The following SERPINI2 variants were observed in gnomAD, a reference collection of about 807,000 sequenced individuals.
SERPINI2 encodes the protein serpin I2.
A neutral mutation model predicts 47.3 loss-of-function variants in SERPINI2; 48 were observed. The ratio of observed to expected loss-of-function variants is 1.02; its 90% CI spans 0.81 to 1.29. The LOEUF is 1.29. SERPINI2 is among the 50% of genes most tolerant of loss of function. The pLI, the probability that SERPINI2 is intolerant of heterozygous loss-of-function variation, is 0.00. For missense variants in SERPINI2, 448 were observed against 456.9 expected (o/e 0.98, Z 0.18); for synonymous variants, 135 against 149.3 (o/e 0.90, Z 0.70).
At chr3:167,453,885 G>T (rs1471365600) in intron 5 of SERPINI2, among the ~76,000 whole-genome samples, 1 of 151,642 alleles carries the variant, frequency 6.6e-6, no homozygotes, top group East Asian at 1.9e-4. Flanking sequence ...AAGTGGGGGT[G>T]GGGGGAAGCT....
At chr3:167,452,325 CGAA>C (rs1325942392) in intron 6 of SERPINI2, among the ~76,000 whole-genome samples, 1 of 152,088 alleles carries the variant, frequency 6.6e-6, no homozygotes. Flanking sequence ...CACTGAGACT[CGAA>C]GAATTCAAAG....
Position 167,458,426 on chromosome 3 carries a change from AT to A in SERPINI2, c.867-5394del, listed in dbSNP as rs34639120. ...CCACCACGCCTGGCTAATTGTTTGT[AT>A]TTTTTTTTTTTTTTTTAGTAGAGAC... On this transcript the variant is annotated intron_variant, in intron 5 of 8. Transcript: ENST00000264677. 1.4e-3 allele frequency among the ~76,000 whole-genome samples: 186 copies of A among 128,952 alleles called. 1 individual carries two copies. Among genetic ancestry groups the A allele is most frequent in the Middle Eastern group, 4.3e-3 (1 of 232 alleles). 84.6% of individuals were successfully genotyped at this position (128,952 alleles called of 152,430 possible). A position where few individuals can be genotyped will look rare whatever the true frequency, so the allele number is the denominator to read the frequency against.
At chr3:167,446,614 T>G in intron 7 of SERPINI2, 133 bp from the exon 8 acceptor site, 1 of 528,882 alleles carries the variant, frequency 1.9e-6, no homozygotes, top group Admixed American at 3.6e-5. Flanking sequence ...AATAACCATT[T>G]TCTAAATACA....
At chr3:167,463,781 A>G (rs1400131872) in intron 5 of SERPINI2, among the ~76,000 whole-genome samples, 1 of 152,178 alleles carries the variant, frequency 6.6e-6, no homozygotes, top group East Asian at 1.9e-4. Context: ...TTTACGATAT[A>G]GAAGACTGGC....
upstream of SERPINI2, among the ~76,000 whole-genome samples, chr3:167,476,518 A>G (rs1750482201): frequency 6.6e-6 from 1 of 152,066 alleles, no homozygotes; most frequent in African/African-American, 2.4e-5. Context: ...TACCATGCAC[A>G]TGTAGTAGGC....
upstream of SERPINI2, among the ~76,000 whole-genome samples, chr3:167,476,343 CT>C (rs1391251778): frequency 6.6e-6 from 1 of 151,782 alleles, no homozygotes; most frequent in Non-Finnish European, 1.5e-5. Flanking sequence ...CTTTTTTCTT[CT>C]TTTTGTGTTT....
intron 2 of SERPINI2, among the ~76,000 whole-genome samples, chr3:167,470,979 CT>C (rs921877434): frequency 7.9e-5 from 12 of 151,920 alleles, no homozygotes; most frequent in South Asian, 4.2e-4. Context: ...TATTTAAATC[CT>C]TTTTTTTCCA....
At chr3:167,465,449 A>G (rs1750104495) in intron 4 of SERPINI2, 30 bp downstream of exon 4, 3 of 1,608,556 alleles carry the variant, frequency 1.9e-6, no homozygotes, top group Non-Finnish European at 2.5e-6. Context: ...TCTCAAGACT[A>G]TGCTTAGGAA....
chr3:167,476,695 T>TTTAG (rs1321715962), upstream of SERPINI2, among the ~76,000 whole-genome samples: 1 of 152,068 alleles, frequency 6.6e-6, no homozygotes, highest in Non-Finnish European at 1.5e-5. Flanking sequence ...AGTGGGCTCA[T>TTTAG]TTAGTATTGG....
rs553481261 is a variant in SERPINI2 at position 167,470,624 on chromosome 3, C to T, written c.247+964G>A. Among the ~76,000 whole-genome samples, 134 of 139,046 alleles carry T rather than the reference C, an allele frequency of 9.6e-4. 1 individual carries two copies. Among genetic ancestry groups the T allele is most frequent in the African/African-American group, 3.5e-3 (124 of 34,936 alleles). 91.2% of individuals were successfully genotyped at this position (139,046 alleles called of 152,430 possible). A position where few individuals can be genotyped will look rare whatever the true frequency, so the allele number is the denominator to read the frequency against. ...TTGCCCTGGCTGGAGTGCAGTGGCA[C>T]GATCTCAGCTCACTGCAACCTCTGC... is the stretch of plus-strand genomic sequence containing the variant. On this transcript the variant is annotated intron_variant, in intron 2 of 8. Coordinates refer to ENST00000264677, the Ensembl canonical transcript of SERPINI2.
chr3:167,446,466 A>G, exon 8 of SERPINI2: 2 of 1,604,200 alleles, frequency 1.2e-6, no homozygotes, highest in Non-Finnish European at 1.7e-6. Context: ...ACTCATGATC[A>G]CAGGGATGTG....
rs1360770631 is a variant in SERPINI2 at position 167,471,770 on chromosome 3, G to A, written c.65C>T (p.Ser22Leu). 1 of 1,613,380 alleles carries A rather than the reference G, an allele frequency of 6.2e-7. No homozygotes were observed. The highest frequency in any genetic ancestry group is 8.5e-7 in the Non-Finnish European group (1 of 1,179,592). Residue 22 changes from serine to leucine, a missense_variant, in exon 2 of 9, where the codon TCA becomes TTA. Coordinates refer to ENST00000264677, the Ensembl canonical transcript of SERPINI2. ...TGCAAATTCGGTATTTTTTTGAGCT[G>A]AGCATCTTGAGGCTTGACTTCCAAA...
intron 5 of SERPINI2, among the ~76,000 whole-genome samples, chr3:167,456,573 CACTG>C (rs1406400810): frequency 6.6e-6 from 1 of 152,204 alleles, no homozygotes; most frequent in Non-Finnish European, 1.5e-5. Context: ...CTCACCCTAT[CACTG>C]ACTGTTTGTT....
intron 7 of SERPINI2, among the ~76,000 whole-genome samples, chr3:167,447,879 C>T (rs1405570917): frequency 6.6e-6 from 1 of 152,292 alleles, no homozygotes; most frequent in Non-Finnish European, 1.5e-5. Context: ...CAGGAGATGA[C>T]AAAATTGTAA....
chr3:167,473,266 T>C (rs1466290474), intron 1 of SERPINI2, among the ~76,000 whole-genome samples: 2 of 151,800 alleles, frequency 1.3e-5, no homozygotes, highest in Admixed American at 6.6e-5. Flanking sequence ...CTATATGCTA[T>C]TAATATCAAG....
chr3:167,453,887 G>T (rs547570901), intron 5 of SERPINI2, among the ~76,000 whole-genome samples: 1 of 151,642 alleles, frequency 6.6e-6, no homozygotes, highest in East Asian at 1.9e-4. Context: ...GTGGGGGTGG[G>T]GGGAAGCTAG....
intron 7 of SERPINI2, among the ~76,000 whole-genome samples, chr3:167,447,434 C>T (rs781472986): frequency 2.6e-5 from 4 of 152,076 alleles, no homozygotes; most frequent in Non-Finnish European, 4.4e-5. Context: ...TTGAGCAGTC[C>T]GTGAGTGGAT....
intron 7 of SERPINI2, 77 bp from the exon 8 acceptor site, chr3:167,446,558 T>C (rs1337184601): frequency 3.1e-6 from 3 of 953,020 alleles, no homozygotes; most frequent in Non-Finnish European, 4.7e-6. Flanking sequence ...TAATACATTT[T>C]GTAGACAGGA....
At chr3:167,444,107 C>G (rs1014579761) in intron 8 of SERPINI2, among the ~76,000 whole-genome samples, 2 of 152,028 alleles carry the variant, frequency 1.3e-5, no homozygotes, top group African/African-American at 2.4e-5. Context: ...AACACACAAC[C>G]CAAAAGAGTT....
Sources: gnomAD v4.1 joint callset for allele counts (sites outside exome capture counted in the v4.1 genomes callset) on GRCh38, gnomAD v4.1.1 for gene constraint, MANE v1.5 for transcripts, NCBI Gene and HGNC (gene_info 2026-07-23, HGNC 2026-07-21) for gene names.